The following RCAN1 variants were observed in gnomAD, a reference collection of about 807,000 sequenced individuals.
The protein encoded by RCAN1 is regulator of calcineurin 1, also known as calcipressin-1.
Under a neutral mutation model 22.9 loss-of-function variants are expected in RCAN1, and 11 were observed. The ratio of observed to expected loss-of-function variants is 0.48; its 90% CI spans 0.30 to 0.79. The LOEUF is 0.79. RCAN1 is among the 30% of genes least tolerant of loss of function. RCAN1 has a pLI of 0.06. For synonymous variants in RCAN1, 136 were observed against 142.3 expected (o/e 0.96, Z 0.32); for missense variants, 291 against 337.8 (o/e 0.86, Z 1.09).
At chr21:34,610,492 G>C (rs2186285) in intron 1 of RCAN1, among the ~76,000 whole-genome samples, 1 of 151,992 alleles carries the variant, frequency 6.6e-6, no homozygotes, top group Non-Finnish European at 1.5e-5. Flanking sequence ...CCTGGCTCCC[G>C]GTTCAGGAAA....
At chr21:34,591,087 C>G (rs1488808333) in intron 1 of RCAN1, among the ~76,000 whole-genome samples, 1 of 152,174 alleles carries the variant, frequency 6.6e-6, no homozygotes, top group Non-Finnish European at 1.5e-5. Flanking sequence ...GGAATCAAGA[C>G]AGATCCCCGA....
chr21:34,526,698 C>G (rs1244332921), intron 1 of RCAN1: 2 of 1,613,544 alleles, frequency 1.2e-6, no homozygotes, highest in Non-Finnish European at 1.7e-6. Context: ...TCACTGTTTG[C>G]CACACAGGCA....
At chr21:34,546,572 C>A (rs1001554833) in intron 1 of RCAN1, among the ~76,000 whole-genome samples, 1 of 152,124 alleles carries the variant, frequency 6.6e-6, no homozygotes, top group African/African-American at 2.4e-5. Context: ...AACAAGAAAA[C>A]AATCGCTGTC....
intron 1 of RCAN1, among the ~76,000 whole-genome samples, chr21:34,530,614 T>C (rs1027373480): frequency 1.7e-5 from 2 of 118,228 alleles, no homozygotes; most frequent in Non-Finnish European, 1.7e-5. Context: ...GATAGTGAAA[T>C]AGTTTTTTTT....
At chr21:34,566,820 T>C (rs1247754998) in intron 1 of RCAN1, among the ~76,000 whole-genome samples, 5 of 152,154 alleles carry the variant, frequency 3.3e-5, no homozygotes, top group South Asian at 2.1e-4. Flanking sequence ...GCGTGTCACA[T>C]GGCAAGAGAA....
chr21:34,543,913 G>A (rs888776845), intron 1 of RCAN1, among the ~76,000 whole-genome samples: 11 of 152,230 alleles, frequency 7.2e-5, no homozygotes, highest in African/African-American at 2.7e-4. Context: ...TTGCCTGCTA[G>A]CCATTCGGAG....
At chr21:34,556,429 A>AAATAATAGTAAT (rs1555861218) in intron 1 of RCAN1, among the ~76,000 whole-genome samples, 2 of 145,540 alleles carry the variant, frequency 1.4e-5, no homozygotes, top group Non-Finnish European at 3.0e-5. Flanking sequence ...TTGTCTCAAA[A>AAATAATAGTAAT]AATAATAATA....
chr21:34,613,655 A>T, intron 1 of RCAN1: 1 of 1,117,930 alleles, frequency 8.9e-7, no homozygotes, highest in Non-Finnish European at 1.2e-6. Context: ...AGTAAGATCA[A>T]TCAGTAAGAC....
At chr21:34,556,064 A>AT (rs1327180990) in intron 1 of RCAN1, among the ~76,000 whole-genome samples, 5 of 93,228 alleles carry the variant, frequency 5.4e-5, no homozygotes, top group Admixed American at 1.2e-4. Context: ...CTCCATTTCA[A>AT]AAAATAAATA....
chr21:34,557,968 G>T (rs1475977203), intron 1 of RCAN1, among the ~76,000 whole-genome samples: 1 of 152,122 alleles, frequency 6.6e-6, no homozygotes, highest in African/African-American at 2.4e-5. Context: ...GTCCGACCTG[G>T]AATCAGAATT....
In RCAN1 at chr21:34,517,698, T is replaced by G; in HGVS notation, c.*386A>C. Reference sequence around the variant, plus strand: ...GGTACCTCTTCCTACCAGTAGAGAGTGGCCCCTGCAGGCCACTTAGAAACA... The same window carrying G: ...GGTACCTCTTCCTACCAGTAGAGAGGGGCCCCTGCAGGCCACTTAGAAACA... On this transcript the variant is annotated 3_prime_UTR_variant, in exon 4 of 4. Coordinates refer to ENST00000313806, the MANE Select transcript of RCAN1 (RefSeq NM_004414.7). 5.5e-6 allele frequency: 1 copy of G among 181,020 alleles called. No individual in the cohort carries two copies. The highest frequency in any genetic ancestry group is 1.2e-5 in the Non-Finnish European group (1 of 86,818). 11.2% of individuals were successfully genotyped at this position (181,020 alleles called of 1,614,324 possible). A position where few individuals can be genotyped will look rare whatever the true frequency, so the allele number is the denominator to read the frequency against.
intron 1 of RCAN1, among the ~76,000 whole-genome samples, chr21:34,561,441 T>A (rs1203127458): frequency 1.3e-5 from 2 of 152,228 alleles, no homozygotes; most frequent in East Asian, 1.9e-4. Context: ...ATGGTTTGAC[T>A]ATTTTTGATG....
intron 1 of RCAN1, among the ~76,000 whole-genome samples, chr21:34,592,117 G>A (rs887894966): frequency 3.3e-5 from 5 of 152,186 alleles, no homozygotes; most frequent in Admixed American, 6.5e-5. Context: ...TTAGACAGAC[G>A]AAAGAAAAAT....
At chr21:34,546,066 A>G (rs1452152265) in intron 1 of RCAN1, among the ~76,000 whole-genome samples, 2 of 152,248 alleles carry the variant, frequency 1.3e-5, no homozygotes, top group Non-Finnish European at 2.9e-5. Flanking sequence ...ACATCAGTCA[A>G]TCTTTAATAA....
intron 1 of RCAN1, among the ~76,000 whole-genome samples, chr21:34,567,783 C>T (rs1446767547): frequency 2.0e-5 from 3 of 152,138 alleles, no homozygotes; most frequent in Non-Finnish European, 2.9e-5. Context: ...TCCCACTTGT[C>T]GCTGCTGTTG....
chr21:34,574,079 C>A (rs376021694), intron 1 of RCAN1, among the ~76,000 whole-genome samples: 1 of 152,104 alleles, frequency 6.6e-6, no homozygotes, highest in Non-Finnish European at 1.5e-5. Flanking sequence ...AGGGACTCAC[C>A]AAATGAAGCC....
intron 1 of RCAN1, among the ~76,000 whole-genome samples, chr21:34,541,961 T>G (rs1985932605): frequency 6.6e-6 from 1 of 151,962 alleles, no homozygotes; most frequent in Admixed American, 6.6e-5. Flanking sequence ...TAAAAAAAAT[T>G]TTTTTAATGC....
chr21:34,525,166 A>T lies in RCAN1; in HGVS notation c.253-1456T>A, dbSNP rs550067050. ...GATAAGAGAGGAGAGTGTCTTCAGG[A>T]ATGTTCACTGCTAGCAAGCGCGGGG... On this transcript the variant is annotated intron_variant, in intron 1 of 3. Coordinates refer to ENST00000313806, the MANE Select transcript of RCAN1 (RefSeq NM_004414.7). The T allele has an allele frequency of 7.1e-6, 11 of 1,550,442 alleles. No homozygotes were observed. In the South Asian group the frequency reaches 1.3e-4, roughly 18 times the overall value.
At chr21:34,607,766 G>A (rs1452446544) in intron 1 of RCAN1, among the ~76,000 whole-genome samples, 2 of 152,204 alleles carry the variant, frequency 1.3e-5, no homozygotes, top group East Asian at 1.9e-4. Context: ...ATCTAACTGT[G>A]GTAGGCAGCC....
Sources: gnomAD v4.1 joint callset for allele counts (sites outside exome capture counted in the v4.1 genomes callset) on GRCh38, gnomAD v4.1.1 for gene constraint, MANE v1.5 for transcripts, NCBI Gene and HGNC (gene_info 2026-07-23, HGNC 2026-07-21) for gene names.